CIDEC: variants seen among roughly 807,000 people sequenced by gnomAD.
CIDEC encodes the protein lipid transferase CIDEC.
CIDEC carries 11 observed loss-of-function variants against 21.9 expected under a neutral mutation model. That is an observed-to-expected ratio of 0.50 (90% CI 0.32 to 0.83). The LOEUF (loss-of-function observed/expected upper bound fraction) is 0.83. Ranked by LOEUF, CIDEC falls within the 40% of genes least tolerant of loss-of-function variation. CIDEC has a pLI of 0.04. For missense variants in CIDEC, 302 were observed against 302.3 expected (o/e 1.00, Z 0.01); for synonymous variants, 127 against 124.9 (o/e 1.02, Z -0.11).
rs1358448200 is a variant in CIDEC, at chr3:9,877,099, G to GA, written c.173dup (p.Met59HisfsTer6). 1 of 1,553,618 alleles carries GA rather than the reference G, an allele frequency of 6.4e-7. No homozygotes were observed. Among genetic ancestry groups the GA allele is most frequent in the Non-Finnish European group, 8.7e-7 (1 of 1,147,926 alleles). On this transcript the variant is annotated frameshift_variant, in exon 4 of 7. Coordinates refer to ENST00000336832, the MANE Select transcript of CIDEC (RefSeq NM_001321142.2). LOFTEE classifies it high-confidence loss of function. ...GGAGGTCCTCAAGACTGTAAGCCAT[G>GA]ATGCCCTTCCTCACGCTTCGATCCG...
At chr3:9,876,475 G>T (rs1160552070) in intron 4 of CIDEC, among the ~76,000 whole-genome samples, 1 of 151,808 alleles carries the variant, frequency 6.6e-6, no homozygotes, top group East Asian at 1.9e-4. Context: ...CTCCATCTTG[G>T]GCTGGGTGTG....
In CIDEC at chr3:9,870,052, C is replaced by T; in HGVS notation, c.384G>A (p.Leu128=). ...TCTTGGCAGGCTTATGGGAGAGGGA[C>T]AGTGGGTGCCTTGTCCCCTGCATTG... The part of the protein sequence containing the change: ...PPSEQGTRHP[L]SLSHKPAKKI... The change falls in exon 6 of 7, where the codon CTG becomes CTA. Residue 128 remains leucine, a synonymous_variant. Transcript: ENST00000336832. 6.2e-7 allele frequency: 1 copy of T among 1,614,212 alleles called. No individual in the cohort carries two copies. The highest frequency in any genetic ancestry group is 8.5e-7 in the Non-Finnish European group (1 of 1,180,028).
chr3:9,874,926 T>A (rs2082400126), intron 4 of CIDEC, among the ~76,000 whole-genome samples: 1 of 151,808 alleles, frequency 6.6e-6, no homozygotes, highest in Non-Finnish European at 1.5e-5. Flanking sequence ...ATAGACGGGG[T>A]CTCACCATGT....
At chr3:9,873,334 G>A (rs536734220) in intron 4 of CIDEC, among the ~76,000 whole-genome samples, 9 of 152,332 alleles carry the variant, frequency 5.9e-5, no homozygotes, top group South Asian at 4.1e-4. Flanking sequence ...CATGACGGCC[G>A]GGTGCAGTGG....
At chr3:9,875,221 A>G (rs995303138) in intron 4 of CIDEC, among the ~76,000 whole-genome samples, 2 of 151,922 alleles carry the variant, frequency 1.3e-5, no homozygotes, top group African/African-American at 2.4e-5. Flanking sequence ...CAAAAATACA[A>G]AAAAAATTAG....
At chr3:9,876,930 C>T in intron 4 of CIDEC, 136 bp downstream of exon 4, 2 of 716,018 alleles carry the variant, frequency 2.8e-6, no homozygotes, top group Non-Finnish European at 2.5e-6. Flanking sequence ...AGTTGGACAG[C>T]TCTCCAGGTG....
At chr3:9,873,262 A>C (rs1299773473) in intron 4 of CIDEC, among the ~76,000 whole-genome samples, 1 of 152,154 alleles carries the variant, frequency 6.6e-6, no homozygotes. Flanking sequence ...TAGTTTCATC[A>C]TCAAAAAAAG....
intron 4 of CIDEC, among the ~76,000 whole-genome samples, chr3:9,874,993 A>G (rs2082401086): frequency 1.3e-5 from 2 of 152,206 alleles, no homozygotes; most frequent in South Asian, 2.1e-4. Context: ...TCGGCCTCCC[A>G]AAGTGTTAGG....
Position 9,867,186 on chromosome 3 carries a change from G to C in CIDEC, c.665C>G (p.Pro222Arg), listed in dbSNP as rs565528837. 16 of 1,614,058 alleles carry C rather than the reference G, an allele frequency of 9.9e-6. No homozygotes were observed. In the East Asian group the frequency reaches 1.1e-4, roughly 11 times the overall value. ...LLDATEEGQP[P>R]KGKASSLIPT... ...GATAAGGGATGAGGCCTTGCCCTTG[G>C]GGGGCTGCCCTTCCTCCGTAGCATC... Residue 222 changes from proline (P) to arginine (R), a missense_variant, in exon 7 of 7, where the codon CCC becomes CGC. Pro to Arg is a moderately radical substitution (Grantham distance 103, BLOSUM62 -2). Coordinates refer to ENST00000336832, the MANE Select transcript of CIDEC (RefSeq NM_001321142.2).
At chr3:9,878,555 G>GAACC in intron 2 of CIDEC, 44 bp from the exon 3 acceptor site, 3 of 1,529,606 alleles carry the variant, frequency 2.0e-6, no homozygotes, top group Non-Finnish European at 2.7e-6. Flanking sequence ...AGATGAGAGG[G>GAACC]TTCCCATCTC....
chr3:9,870,294 T>A lies in CIDEC; in HGVS notation c.236A>T (p.Lys79Met). The change falls in exon 5 of 7, where the codon AAG becomes ATG. Residue 79 changes from lysine to methionine, a missense_variant. Physicochemically the swap from Lys to Met is moderately conservative, Grantham distance 95. Coordinates refer to ENST00000336832, the MANE Select transcript of CIDEC (RefSeq NM_001321142.2). The part of the protein sequence containing the change: ...KVRDTLMLAD[K>M]PFFLVLEEDG... ...TTCCTCCAGCACCAGGAAGAAGGGC[T>A]TGTCTGCCAGCATCAGAGTGTCCCG... 1 of 1,614,016 alleles carries A rather than the reference T, an allele frequency of 6.2e-7. No individual in the cohort carries two copies. The highest frequency in any genetic ancestry group is 2.2e-5 in the East Asian group (1 of 44,880).
At chr3:9,880,126 C>T (rs984302375) in intron 1 of CIDEC, 98 bp downstream of exon 1, 6 of 151,966 alleles carry the variant, frequency 3.9e-5, no homozygotes, top group East Asian at 1.9e-4. Context: ...TCACCCACTT[C>T]GTATCCCTAG....
intron 4 of CIDEC, among the ~76,000 whole-genome samples, chr3:9,871,173 A>ATTTTTTTTTTTTTT (rs59917579): frequency 8.3e-6 from 1 of 120,152 alleles, no homozygotes; most frequent in Admixed American, 8.8e-5. Context: ...TCTATGTTTA[A>ATTTTTTTTTTTTTT]TTTTTTTTTT....
At chr3:9,876,010 G>A (rs1040496496) in intron 4 of CIDEC, among the ~76,000 whole-genome samples, 2 of 152,168 alleles carry the variant, frequency 1.3e-5, no homozygotes, top group African/African-American at 2.4e-5. Context: ...TTGGCTCTCC[G>A]GAAGAACAGA....
At chr3:9,878,689 G>C (rs139025697) in intron 2 of CIDEC, 178 bp from the exon 3 acceptor site, 2 of 1,474,542 alleles carry the variant, frequency 1.4e-6, no homozygotes, top group East Asian at 2.5e-5. Flanking sequence ...TGCCAACCAA[G>C]ACCAAGCTGG....
intron 4 of CIDEC, among the ~76,000 whole-genome samples, chr3:9,871,345 A>ATTTT (rs58903003): frequency 1.7e-5 from 2 of 120,700 alleles, no homozygotes; most frequent in South Asian, 2.8e-4. Flanking sequence ...TGCCCAGCTA[A>ATTTT]TTTTTTTTTT....
At chr3:9,875,004 A>T (rs950762927) in intron 4 of CIDEC, among the ~76,000 whole-genome samples, 9 of 152,132 alleles carry the variant, frequency 5.9e-5, no homozygotes, top group Non-Finnish European at 1.3e-4. Flanking sequence ...AAGTGTTAGG[A>T]TTACAAGCAT....
chr3:9,873,138 G>A (rs1238065356), intron 4 of CIDEC, among the ~76,000 whole-genome samples: 7 of 151,860 alleles, frequency 4.6e-5, no homozygotes, highest in African/African-American at 9.7e-5. Flanking sequence ...CTTTGGTGCC[G>A]TATCTAGGAA....
rs1319509104 is a variant in CIDEC at position 9,877,143 on chromosome 3, G to T, written c.130C>A (p.Pro44Thr). ...CGATCCGCCGTGCTTACGCGGCAGG[G>T]CCGGGCCCTGGGGGCCTTGGGGCTG... ...EPSPKAPRAR[P>T]CRVSTADRSV... The change falls in exon 4 of 7, where the codon CCC becomes ACC. Residue 44 changes from proline to threonine, a missense_variant. By Grantham distance (38) the Pro-to-Thr change is conservative. Coordinates refer to ENST00000336832, the MANE Select transcript of CIDEC (RefSeq NM_001321142.2). 1.3e-5 allele frequency: 20 copies of T among 1,551,866 alleles called. No individual in the cohort carries two copies. The highest frequency in any genetic ancestry group is 1.7e-5 in the Non-Finnish European group (20 of 1,147,194).
Sources: allele counts gnomAD v4.1 joint callset (sites outside exome capture counted in the v4.1 genomes callset), GRCh38; gene constraint gnomAD v4.1.1; transcripts MANE v1.5; gene names NCBI Gene and HGNC (gene_info 2026-07-23, HGNC 2026-07-21).